SSH2: variants seen among roughly 807,000 people sequenced by gnomAD.
SSH2 encodes protein phosphatase Slingshot homolog 2.
In SSH2, 37 loss-of-function variants were observed where a neutral mutation model predicts 135.2. That is an observed-to-expected ratio of 0.27 (90% confidence interval 0.21 to 0.36). The LOEUF is 0.36. Among genes scored for constraint, SSH2 ranks in the 10% least tolerant of loss-of-function variants. The probability of loss-of-function intolerance (pLI) is 1.00; values close to 1 mark genes in which losing one functional copy is unlikely to be tolerated. For synonymous variants in SSH2, 628 were observed against 646.2 expected (o/e 0.97, Z 0.43); for missense variants, 1,408 against 1,765.3 (o/e 0.80, Z 3.63).
chr17:29,663,816 TAA>T (rs1432250066), intron 11 of SSH2, among the ~76,000 whole-genome samples: 2 of 152,236 alleles, frequency 1.3e-5, no homozygotes, highest in Non-Finnish European at 2.9e-5. Flanking sequence ...AACCCTATTG[TAA>T]ACTATGGACT....
At chr17:29,745,195 T>C (rs2040719709) in intron 3 of SSH2, among the ~76,000 whole-genome samples, 1 of 152,050 alleles carries the variant, frequency 6.6e-6, no homozygotes, top group African/African-American at 2.4e-5. Flanking sequence ...AGTCTTTTTC[T>C]GTCACCTAGG....
At chr17:29,883,963 T>C (rs1407789773) in intron 1 of SSH2, among the ~76,000 whole-genome samples, 1 of 152,148 alleles carries the variant, frequency 6.6e-6, no homozygotes, top group Non-Finnish European at 1.5e-5. Context: ...AATACTCTAT[T>C]TTTACTGTTT....
intron 12 of SSH2, 48 bp downstream of exon 12, chr17:29,655,512 CA>C (rs2036746000): frequency 6.4e-7 from 1 of 1,557,560 alleles, no homozygotes. Flanking sequence ...GAAGATAAAA[CA>C]GGGACTTCTG....
At chr17:29,697,057 T>A (rs943269647) in intron 4 of SSH2, among the ~76,000 whole-genome samples, 1 of 152,200 alleles carries the variant, frequency 6.6e-6, no homozygotes, top group Non-Finnish European at 1.5e-5. Flanking sequence ...TTCTTTAAAA[T>A]GGCCAACCAT....
chr17:29,695,308 C>A, intron 5 of SSH2, 151 bp downstream of exon 5: 2 of 543,082 alleles, frequency 3.7e-6, no homozygotes, highest in Non-Finnish European at 3.2e-6. Flanking sequence ...CAGTCTTAAA[C>A]CATCAAATTA....
At chr17:29,695,668 ACTT>A in intron 4 of SSH2, 145 bp from the exon 5 acceptor site, 1 of 663,028 alleles carries the variant, frequency 1.5e-6, no homozygotes, top group Non-Finnish European at 2.5e-6. Context: ...ATGATTATTA[ACTT>A]CTTTTAAAAT....
intron 1 of SSH2, among the ~76,000 whole-genome samples, chr17:29,894,258 A>C (rs955979892): frequency 1.3e-5 from 2 of 152,082 alleles, no homozygotes; most frequent in Non-Finnish European, 2.9e-5. Context: ...ATAAATGGTC[A>C]CTATCATTTT....
chr17:29,682,243 A>G (rs2038016970), intron 6 of SSH2, among the ~76,000 whole-genome samples: 1 of 152,154 alleles, frequency 6.6e-6, no homozygotes, highest in South Asian at 2.1e-4. Flanking sequence ...GGGAAGATTC[A>G]ATTGAAGCTT....
At chr17:29,648,478 T>C in intron 13 of SSH2, 134 bp from the exon 14 acceptor site, 1 of 655,584 alleles carries the variant, frequency 1.5e-6, no homozygotes, top group Non-Finnish European at 2.6e-6. Context: ...TCCACTTTGG[T>C]ACACTCATAT....
rs545318251 is a variant in SSH2 at position 29,670,963 on chromosome 17, A to C, written c.809+972T>G. Among the ~76,000 whole-genome samples the C allele has an allele frequency of 4.0e-4, 61 of 152,318 alleles. 1 individual carries two copies. The highest frequency in any genetic ancestry group is 1.4e-3 in the African/African-American group (57 of 41,580). On this transcript the variant is annotated intron_variant, in intron 9 of 15. Transcript: ENST00000540801. ...TAGAGCAAAAGAAACATCATGACGA[A>C]TTTACAAAGCAGGCACTAAGTGTAA...
intron 5 of SSH2, among the ~76,000 whole-genome samples, chr17:29,684,903 G>C (rs1353814481): frequency 6.6e-6 from 1 of 151,862 alleles, no homozygotes; most frequent in Non-Finnish European, 1.5e-5. Flanking sequence ...TAACTGTCAG[G>C]TTGTTTTAAG....
intron 3 of SSH2, among the ~76,000 whole-genome samples, chr17:29,753,641 C>G (rs949641357): frequency 1.3e-5 from 2 of 151,084 alleles, no homozygotes; most frequent in African/African-American, 4.9e-5. Context: ...ACTAAAAATA[C>G]AAAAATTAGC....
intron 3 of SSH2, among the ~76,000 whole-genome samples, chr17:29,736,257 A>T (rs2617881): frequency 0.5 from 76,361 of 151,566 alleles, 19,611 homozygotes; most frequent in African/African-American, 0.55. Context: ...TGCCAGCAAA[A>T]GAGGTTTTAC....
Position 29,733,676 on chromosome 17 carries a change from T to C in SSH2, c.189-30614A>G, listed in dbSNP as rs184503563. 2.5e-4 allele frequency among the ~76,000 whole-genome samples: 38 copies of C among 152,332 alleles called. No homozygotes were observed. In the East Asian group the frequency reaches 5.0e-3, roughly 20 times the overall value. On this transcript the variant is annotated intron_variant, in intron 3 of 15. Transcript: ENST00000540801. Reference sequence around the variant, plus strand: ...TAGTTCATATGCATTTATGTATTCATTTTCCAATATTTACTTCTAAACCAA... The same window carrying C: ...TAGTTCATATGCATTTATGTATTCACTTTCCAATATTTACTTCTAAACCAA...
chr17:29,781,473 CTTTTTT>C (rs541361010), intron 3 of SSH2, among the ~76,000 whole-genome samples: 5 of 81,838 alleles, frequency 6.1e-5, no homozygotes, highest in East Asian at 3.6e-4. Flanking sequence ...CCTGTGTTTT[CTTTTTT>C]TTTTTTTTTT....
At chr17:29,683,935 G>A (rs554927428) in intron 6 of SSH2, among the ~76,000 whole-genome samples, 2 of 152,254 alleles carry the variant, frequency 1.3e-5, no homozygotes, top group South Asian at 2.1e-4. Context: ...GCAGCAGAGC[G>A]AGACGCTGTC....
At chr17:29,827,796 A>AC (rs890477209) in intron 2 of SSH2, among the ~76,000 whole-genome samples, 2 of 151,804 alleles carry the variant, frequency 1.3e-5, no homozygotes, top group African/African-American at 4.8e-5. Context: ...AAAAAAAAAA[A>AC]CCCCAGCATA....
intron 1 of SSH2, among the ~76,000 whole-genome samples, chr17:29,892,300 T>TTC (rs1004925398): frequency 2.1e-4 from 31 of 150,758 alleles, no homozygotes; most frequent in South Asian, 2.1e-4. Flanking sequence ...ATAAAAGGAA[T>TTC]TCTAAGTGCA....
intron 3 of SSH2, chr17:29,716,557 T>A: frequency 1.4e-6 from 1 of 719,374 alleles, no homozygotes; most frequent in Admixed American, 1.8e-5. Flanking sequence ...CAGTACCCAT[T>A]CCCTTGATGT....
Sources: allele counts gnomAD v4.1 joint callset (sites outside exome capture counted in the v4.1 genomes callset), GRCh38; gene constraint gnomAD v4.1.1; transcripts MANE v1.5; gene names NCBI Gene and HGNC (gene_info 2026-07-23, HGNC 2026-07-21).